Variants in DOT1L observed in about 807,000 individuals in gnomAD.
DOT1L encodes histone-lysine N-methyltransferase, H3 lysine-79 specific.
Under a neutral mutation model 153.3 loss-of-function variants are expected in DOT1L, and 33 were observed. That is an observed-to-expected ratio of 0.22 (90% CI 0.16 to 0.29). The LOEUF (loss-of-function observed/expected upper bound fraction) is 0.29, where lower values mean the gene tolerates loss of function less well. Among genes scored for constraint, DOT1L ranks in the 10% least tolerant of loss-of-function variants. The probability of loss-of-function intolerance (pLI) is 1.00; values close to 1 mark genes in which losing one functional copy is unlikely to be tolerated. For missense variants in DOT1L, 1,847 were observed against 2,119.9 expected, an observed-to-expected ratio of 0.87 and a Z score of 2.53; for synonymous variants, 1,135 against 965.1, an observed-to-expected ratio of 1.18 and a Z score of -3.26.
rs1467402054 is a variant in DOT1L at position 2,222,041 on chromosome 19, C to G, written c.2872C>G (p.Pro958Ala). ...GGCGGGCAGCCCGGCCTCTCTCACA[C>G]CTGGAGCCGAGCCGGCCACCTTGGA... ...ALAGSPASLT[P>A]GAEPATLDES... is the part of the protein sequence containing the mutation. Residue 958 changes from proline to alanine, a missense_variant, in exon 24 of 28, where the codon CCT (proline) becomes GCT (alanine). Transcript: ENST00000398665. The surrounding 1 kb of genome is among the most constrained non-coding windows in gnomAD (Gnocchi z 6.5). 3.1e-6 allele frequency: 5 copies of G among 1,612,838 alleles called. No individual in the cohort carries two copies. Among genetic ancestry groups the G allele is most frequent in the Non-Finnish European group, 4.2e-6 (5 of 1,179,826 alleles).
intron 23 of DOT1L, chr19:2,221,664 C>G: frequency 7.2e-6 from 3 of 414,996 alleles, no homozygotes; most frequent in Middle Eastern, 1.3e-3. Context: ...GGGCAACTTA[C>G]TCAGAGGAAG....
At position 2,222,936 on chromosome 19, in the gene DOT1L, G is replaced by A. The variant is rs1423658892; in HGVS notation, c.3391-345G>A. On this transcript the variant is annotated intron_variant, in intron 24 of 27. Transcript: ENST00000398665. The surrounding 1 kb of genome is among the most constrained non-coding windows in gnomAD (Gnocchi z 6.5). ...AGGCAGGGGGCCATGACTGAGCCCG[G>A]CCATCCTCCACCACGTGCGGCCTGG... The A allele has an allele frequency of 3.2e-5, 14 of 436,152 alleles. No homozygotes were observed. The highest frequency in any genetic ancestry group is 4.1e-5 in the Non-Finnish European group (10 of 245,228). 27.0% of individuals were successfully genotyped at this position (436,152 alleles called of 1,614,324 possible). A position where few individuals can be genotyped will look rare whatever the true frequency, so the allele number is the denominator to read the frequency against.
chr19:2,213,863 G>A lies in DOT1L; in HGVS notation c.1674G>A (p.Ala558=), dbSNP rs943027069. 11 of 1,613,040 alleles carry A rather than the reference G, an allele frequency of 6.8e-6. No homozygotes were observed. The highest frequency in any genetic ancestry group is 4.0e-5 in the African/African-American group (3 of 74,960). ...QQKLDELGVK[A]LTYNDLIQAQ... ...CATGTCCCCAGCTGGGTGTGAAGGC[G>A]CTGACCTACAACGACCTGATTCAAG... is the stretch of plus-strand genomic sequence containing the variant. Residue 558 remains alanine (A), a synonymous_variant, in exon 18 of 28, where the codon GCG becomes GCA. Coordinates refer to ENST00000398665, the MANE Select transcript of DOT1L (RefSeq NM_032482.3).
rs545094089 is a variant in DOT1L, at chr19:2,170,645, G to A, written c.81+6380G>A. On this transcript the variant is annotated intron_variant, in intron 1 of 27. Coordinates refer to ENST00000398665, the MANE Select transcript of DOT1L (RefSeq NM_032482.3). The stretch of plus-strand genomic sequence containing the variant: ...TTTCCATGCCAGTTAGAGGCCTCAC[G>A]TTGTGACCTGTGCTTCTGAGTGACC... Among the ~76,000 whole-genome samples, 3 of 152,184 alleles carry A rather than the reference G, an allele frequency of 2.0e-5. No individual in the cohort carries two copies. The East Asian group carries it at 5.8e-4, about 29-fold the overall frequency.
intron 27 of DOT1L, chr19:2,229,289 G>C (rs535092490): frequency 8.1e-6 from 8 of 985,274 alleles, no homozygotes; most frequent in Non-Finnish European, 9.6e-6. Flanking sequence ...GCCTGGCGGC[G>C]TAGTGCAAAG....
At position 2,200,983 on chromosome 19, in the gene DOT1L, C is replaced by G. The variant is rs1190510130; in HGVS notation, c.707+1044C>G. ...CGCATTCCTCGTCCTCCCCTCATTC[C>G]TCGTCGTCCCCTCATTCCTCGTCCT... is the stretch of plus-strand genomic sequence containing the variant. On this transcript the variant is annotated intron_variant, in intron 8 of 27. Transcript: ENST00000398665. 1.1e-4 allele frequency among the ~76,000 whole-genome samples: 15 copies of G among 134,450 alleles called. 1 individual carries two copies. The highest frequency in any genetic ancestry group is 3.8e-4 in the African/African-American group (13 of 34,366). The allele number at this position is 134,450 out of a possible 152,430, so 88.2% of individuals were successfully genotyped here. A position where few individuals can be genotyped will look rare whatever the true frequency, so the allele number is the denominator to read the frequency against.
At chr19:2,223,201 C>A in intron 24 of DOT1L, 80 bp from the exon 25 acceptor site, 1 of 1,505,376 alleles carries the variant, frequency 6.6e-7, no homozygotes, top group Non-Finnish European at 9.1e-7. Flanking sequence ...CAGACAGGAG[C>A]CTCCTGGGGC....
At chr19:2,177,784 T>C (rs903040168) in intron 1 of DOT1L, among the ~76,000 whole-genome samples, 1 of 151,944 alleles carries the variant, frequency 6.6e-6, no homozygotes, top group African/African-American at 2.4e-5. Context: ...TTTTTTGAGC[T>C]GGAATCTCAC....
chr19:2,179,606 G>A (rs2022130658), intron 1 of DOT1L, among the ~76,000 whole-genome samples: 1 of 152,124 alleles, frequency 6.6e-6, no homozygotes. Flanking sequence ...TAAGGATTTC[G>A]AGACCAGCCT....
chr19:2,225,675 C>T (rs1252144910), intron 26 of DOT1L, among the ~76,000 whole-genome samples: 1 of 152,148 alleles, frequency 6.6e-6, no homozygotes, highest in Non-Finnish European at 1.5e-5. Context: ...GCCCTCACTG[C>T]AGCCCAGGGC....
intron 15 of DOT1L, 105 bp downstream of exon 15, chr19:2,211,317 G>T (rs1223179050): frequency 6.8e-6 from 7 of 1,022,930 alleles, no homozygotes; most frequent in Non-Finnish European, 8.5e-6. Context: ...TGACCTCCAT[G>T]CTGGACCCCA....
At chr19:2,187,953 C>T (rs1488326528) in intron 3 of DOT1L, among the ~76,000 whole-genome samples, 1 of 149,036 alleles carries the variant, frequency 6.7e-6, no homozygotes, top group African/African-American at 2.5e-5. Context: ...AGTGAAAAGA[C>T]AGGAAGGGCC....
Position 2,222,405 on chromosome 19 carries a change from A to G in DOT1L, c.3236A>G (p.His1079Arg). The change falls in exon 24 of 28, where the codon CAC becomes CGC. Residue 1079 changes from histidine (H) to arginine (R), a missense_variant. Transcript: ENST00000398665. This position sits in a 1 kb window ranked among gnomAD's most constrained non-coding sequence, Gnocchi z 6.5. ...ASARGDCVPSHGQDSRRRGRR... is the reference protein window; with the variant it reads ...ASARGDCVPSRGQDSRRRGRR... ...GCCCGTGGGGACTGTGTGCCGAGCC[A>G]CGGGCAGGACAGTCGCAGGCGCGGC... The G allele has an allele frequency of 6.2e-7, 1 of 1,611,018 alleles. No individual in the cohort carries two copies. The highest frequency in any genetic ancestry group is 8.5e-7 in the Non-Finnish European group (1 of 1,179,002).
intron 27 of DOT1L, chr19:2,227,486 A>C (rs761366774): frequency 1.7e-4 from 92 of 537,954 alleles, no homozygotes; most frequent in Non-Finnish European, 2.9e-4. Flanking sequence ...GAGTCCCCGC[A>C]GTGCCTGCCC....
chr19:2,200,912 T>G (rs1418766079), intron 8 of DOT1L, among the ~76,000 whole-genome samples: 1 of 145,336 alleles, frequency 6.9e-6, no homozygotes, highest in Non-Finnish European at 1.5e-5. Flanking sequence ...CCCTCATTCC[T>G]CGTCCTCCCC....
chr19:2,167,734 C>CTT (rs66826356), intron 1 of DOT1L, among the ~76,000 whole-genome samples: 143 of 134,692 alleles, frequency 1.1e-3, no homozygotes, highest in African/African-American at 3.7e-3. Context: ...CTTTTCTTTT[C>CTT]TTTTTTTTTT....
At chr19:2,227,503 G>A (rs932828077) in intron 27 of DOT1L, 22 of 522,330 alleles carry the variant, frequency 4.2e-5, no homozygotes, top group Non-Finnish European at 7.2e-5. Flanking sequence ...GCCCAGACAG[G>A]GCGGAGAGGA....
intron 1 of DOT1L, among the ~76,000 whole-genome samples, chr19:2,173,794 G>A (rs565361024): frequency 6.6e-6 from 1 of 152,278 alleles, no homozygotes; most frequent in South Asian, 2.1e-4. Flanking sequence ...TTCAAGACGG[G>A]GTCGCTCCGG....
chr19:2,181,958 C>G lies in DOT1L; in HGVS notation c.125+1202C>G, dbSNP rs1228750020. Among the ~76,000 whole-genome samples the G allele has an allele frequency of 2.0e-5, 3 of 152,172 alleles. 1 individual carries two copies. Among genetic ancestry groups the G allele is most frequent in the Admixed American group, 1.3e-4 (2 of 15,266 alleles). On this transcript the variant is annotated intron_variant, in intron 2 of 27. Transcript: ENST00000398665. ...AATGCTCAAGCTGTGCACGGTGGCT[C>G]ACGCCTATAATCCCAGCGCTTTGGA...
Sources: gnomAD v4.1 joint callset for allele counts (sites outside exome capture counted in the v4.1 genomes callset) on GRCh38, gnomAD v4.1.1 for gene constraint, Gnocchi (gnomAD v3.1) non-coding constraint, MANE v1.5 for transcripts, NCBI Gene and HGNC (gene_info 2026-07-23, HGNC 2026-07-21) for gene names.